The following SEMA5A variants were observed in gnomAD, a reference collection of about 807,000 sequenced individuals.
SEMA5A encodes the protein semaphorin 5A, also known as semaphorin-5A.
In SEMA5A, 55 loss-of-function variants were observed where a neutral mutation model predicts 135.5. The observed-to-expected ratio is 0.41, with a 90% CI of 0.33 to 0.51. The LOEUF (loss-of-function observed/expected upper bound fraction) is 0.51. Among genes scored for constraint, SEMA5A ranks in the 20% least tolerant of loss-of-function variants. The pLI is 0.37. For missense variants in SEMA5A, 1,290 were observed against 1,419.9 expected (o/e 0.91, Z 1.47); for synonymous variants, 580 against 546.5 (o/e 1.06, Z -0.85).
At chr5:9,508,696 C>A (rs1209983017) in intron 1 of SEMA5A, among the ~76,000 whole-genome samples, 2 of 152,150 alleles carry the variant, frequency 1.3e-5, no homozygotes, top group African/African-American at 4.8e-5. Flanking sequence ...CCCCTGCTTA[C>A]CACCGTCCTG....
intron 1 of SEMA5A, chr5:9,512,210 T>A (rs1286871475): frequency 6.6e-6 from 1 of 152,204 alleles, no homozygotes; most frequent in South Asian, 2.1e-4. Context: ...CTCAACCTCA[T>A]CCATACATAA....
chr5:9,306,918 T>C (rs1024425790), intron 5 of SEMA5A, among the ~76,000 whole-genome samples: 5 of 152,230 alleles, frequency 3.3e-5, no homozygotes, highest in Non-Finnish European at 1.5e-5. Context: ...TTTATTCAAA[T>C]GGTGCTTGGC....
At chr5:9,456,592 C>A (rs115717416) in intron 1 of SEMA5A, among the ~76,000 whole-genome samples, 169 of 152,226 alleles carry the variant, frequency 1.1e-3, no homozygotes, top group African/African-American at 3.9e-3. Context: ...CCCTTCAGCC[C>A]AGTCCTCATG....
intron 13 of SEMA5A, among the ~76,000 whole-genome samples, chr5:9,124,573 C>T (rs1741003518): frequency 1.3e-5 from 2 of 152,200 alleles, no homozygotes; most frequent in Admixed American, 6.5e-5. Flanking sequence ...TCTCATGCCT[C>T]AGCCTCCTGA....
chr5:9,226,577 T>C (rs529509750), intron 7 of SEMA5A, among the ~76,000 whole-genome samples: 1 of 152,262 alleles, frequency 6.6e-6, no homozygotes, highest in African/African-American at 2.4e-5. Context: ...AAAGAATATG[T>C]TTAGGATTAA....
chr5:9,498,721 A>G (rs1490160570), intron 1 of SEMA5A: 1 of 151,996 alleles, frequency 6.6e-6, no homozygotes, highest in African/African-American at 2.4e-5. Context: ...TTGTCTAAGT[A>G]CTACGATAAC....
At chr5:9,349,066 C>A (rs192836021) in intron 3 of SEMA5A, among the ~76,000 whole-genome samples, 4 of 152,304 alleles carry the variant, frequency 2.6e-5, no homozygotes, top group East Asian at 1.9e-4. Context: ...CTTCTTCAGA[C>A]CTTAGGATTC....
chr5:9,337,262 T>G (rs1204072864), intron 4 of SEMA5A, among the ~76,000 whole-genome samples: 1 of 152,154 alleles, frequency 6.6e-6, no homozygotes, highest in Admixed American at 6.5e-5. Flanking sequence ...GATCTCTGGA[T>G]CTCTAGAATC....
intron 2 of SEMA5A, among the ~76,000 whole-genome samples, chr5:9,402,241 C>A (rs1459934059): frequency 2.0e-5 from 3 of 152,224 alleles, no homozygotes. Context: ...AGGATTTTGG[C>A]AGCTTATCTG....
intron 18 of SEMA5A, among the ~76,000 whole-genome samples, chr5:9,058,691 T>G (rs1290903927): frequency 1.3e-5 from 2 of 152,132 alleles, no homozygotes; most frequent in Non-Finnish European, 1.5e-5. Context: ...AAGTAAAAAC[T>G]AAATAACTAA....
chr5:9,237,450 A>G (rs768716359), intron 6 of SEMA5A, among the ~76,000 whole-genome samples: 1 of 152,238 alleles, frequency 6.6e-6, no homozygotes, highest in Non-Finnish European at 1.5e-5. Flanking sequence ...TATGTAATAA[A>G]TTTATTTGTC....
At chr5:9,468,327 T>C (rs1759339501) in intron 1 of SEMA5A, among the ~76,000 whole-genome samples, 1 of 152,192 alleles carries the variant, frequency 6.6e-6, no homozygotes, top group Non-Finnish European at 1.5e-5. Flanking sequence ...CTGTAGGATT[T>C]TGACAAATCT....
intron 4 of SEMA5A, among the ~76,000 whole-genome samples, chr5:9,331,832 G>A (rs1002110016): frequency 2.6e-5 from 4 of 152,180 alleles, no homozygotes. Flanking sequence ...AAAACAGCAA[G>A]TTAATCTTTC....
intron 1 of SEMA5A, among the ~76,000 whole-genome samples, chr5:9,486,584 C>A (rs1734739188): frequency 1.3e-5 from 2 of 151,910 alleles, no homozygotes; most frequent in South Asian, 4.2e-4. Context: ...AGCTCCAGAA[C>A]CCACTGAATG....
intron 3 of SEMA5A, among the ~76,000 whole-genome samples, chr5:9,373,529 T>G (rs28263): frequency 0.22 from 33,428 of 151,996 alleles, 4,333 homozygotes; most frequent in Middle Eastern, 0.3. Context: ...CTATCACGAG[T>G]CCATGCAGCT....
chr5:9,514,825 T>C (rs1476072642), intron 1 of SEMA5A, among the ~76,000 whole-genome samples: 1 of 152,138 alleles, frequency 6.6e-6, no homozygotes, highest in Non-Finnish European at 1.5e-5. Context: ...TTGCTAAGGT[T>C]CCTTCAAAAA....
rs148640865 is a variant in SEMA5A at position 9,257,745 on chromosome 5, T to C, written c.271-19855A>G. 8.3e-3 allele frequency among the ~76,000 whole-genome samples: 1,256 copies of C among 152,214 alleles called. 12 individuals carry two copies. Among genetic ancestry groups the C allele is most frequent in the African/African-American group, 0.029 (1,208 of 41,546 alleles). On this transcript the variant is annotated intron_variant, in intron 5 of 22. Transcript: ENST00000382496. The stretch of plus-strand genomic sequence containing the variant: ...CCCCAGCATTACAACCACCATTACA[T>C]GCATCAAGGTGGTGGTCAGGGCTTG...
At chr5:9,229,005 G>C (rs184225554) in intron 6 of SEMA5A, among the ~76,000 whole-genome samples, 3 of 152,296 alleles carry the variant, frequency 2.0e-5, no homozygotes, top group Admixed American at 2.0e-4. Context: ...TGCCCAGGCT[G>C]GTCTCGAACT....
chr5:9,378,073 G>A (rs866312416), intron 3 of SEMA5A, among the ~76,000 whole-genome samples: 18 of 152,128 alleles, frequency 1.2e-4, no homozygotes, highest in Middle Eastern at 6.8e-3. Context: ...CAAATATGTT[G>A]AAATTCATGT....
Sources: allele counts gnomAD v4.1 joint callset (sites outside exome capture counted in the v4.1 genomes callset), GRCh38; gene constraint gnomAD v4.1.1; transcripts MANE v1.5; gene names NCBI Gene and HGNC (gene_info 2026-07-23, HGNC 2026-07-21).